MCOLN2: variants seen among roughly 807,000 people sequenced by gnomAD.
The protein encoded by MCOLN2 is mucolipin TRP cation channel 2.
A neutral mutation model predicts 67.5 loss-of-function variants in MCOLN2; 57 were observed. The observed-to-expected ratio is 0.84, with a 90% CI of 0.68 to 1.05. MCOLN2 has a LOEUF of 1.05. Among genes scored for constraint, MCOLN2 ranks in the 50% least tolerant of loss-of-function variants. The pLI is 0.00. For synonymous variants in MCOLN2, 246 were observed against 233.3 expected (o/e 1.05, Z -0.50); for missense variants, 620 against 678.8 (o/e 0.91, Z 0.96).
In MCOLN2 at chr1:84,937,720, C is replaced by T. The variant is rs112902623; in HGVS notation, c.1335+35G>A. 20 of 1,611,952 alleles carry T rather than the reference C, an allele frequency of 1.2e-5. 1 individual carries two copies. Among genetic ancestry groups the T allele is most frequent in the African/African-American group, 1.1e-4 (8 of 75,012 alleles). On this transcript the variant is annotated intron_variant, in intron 11 of 13. Transcript: ENST00000370608. ...AACCCACGTTCAAGGGTCCCACGTG[C>T]CCCATCTGCAGAAGGAAGAATGTGA...
intron 11 of MCOLN2, among the ~76,000 whole-genome samples, chr1:84,933,891 T>C (rs1647289205): frequency 6.6e-6 from 1 of 152,258 alleles, no homozygotes; most frequent in African/African-American, 2.4e-5. Flanking sequence ...ATGAGAATTA[T>C]TTTAACACAC....
chr1:84,980,349 T>C (rs1335953679), intron 1 of MCOLN2, among the ~76,000 whole-genome samples: 1 of 152,104 alleles, frequency 6.6e-6, no homozygotes, highest in African/African-American at 2.4e-5. Flanking sequence ...GAACCCAGAA[T>C]AGTCAAAGCT....
intron 12 of MCOLN2, among the ~76,000 whole-genome samples, 167 bp downstream of exon 12, chr1:84,931,195 G>A (rs1028499634): frequency 6.6e-6 from 1 of 152,040 alleles, no homozygotes; most frequent in Admixed American, 6.6e-5. Flanking sequence ...CCTGCTGTGG[G>A]TAACAGGGAC....
intron 11 of MCOLN2, among the ~76,000 whole-genome samples, chr1:84,935,402 G>A (rs1647365406): frequency 1.3e-5 from 2 of 152,106 alleles, no homozygotes; most frequent in Non-Finnish European, 2.9e-5. Flanking sequence ...GGGTATAAAG[G>A]AAAGCTAACA....
Position 84,987,176 on chromosome 1 carries a change from ATATCTATC to A in MCOLN2, c.77+9612_77+9619del, listed in dbSNP as rs79075979. 3.7e-3 allele frequency among the ~76,000 whole-genome samples: 462 copies of A among 125,786 alleles called. 2 individuals are homozygous for A. The highest frequency in any genetic ancestry group is 5.7e-3 in the Admixed American group (61 of 10,726). The allele number at this position is 125,786 out of a possible 152,430, so 82.5% of individuals were successfully genotyped here. A position where few individuals can be genotyped will look rare whatever the true frequency, so the allele number is the denominator to read the frequency against. ...TAAAGAAAAGGTGATATATATAGGC[ATATCTATC>A]TATCTATCTATCTATCTATCTATCT... is the stretch of plus-strand genomic sequence containing the variant. On this transcript the variant is annotated intron_variant, in intron 1 of 13. Coordinates refer to ENST00000370608, the MANE Select transcript of MCOLN2 (RefSeq NM_153259.4).
At chr1:84,988,210 T>A (rs113992543) in intron 1 of MCOLN2, among the ~76,000 whole-genome samples, 20 of 152,044 alleles carry the variant, frequency 1.3e-4, no homozygotes, top group Admixed American at 1.2e-3. Context: ...GATTTTTTTT[T>A]AATTTTAATT....
Position 84,956,541 on chromosome 1 carries a change from C to T in MCOLN2, c.455G>A (p.Gly152Glu). 2 of 1,610,758 alleles carry T rather than the reference C, an allele frequency of 1.2e-6. No individual in the cohort carries two copies. The highest frequency in any genetic ancestry group is 1.7e-6 in the Non-Finnish European group (2 of 1,179,036). The change falls in exon 4 of 14, where the codon GGA becomes GAA. Residue 152 changes from glycine (G) to glutamate (E), a missense_variant. Physicochemically the swap from Gly to Glu is moderately conservative, Grantham distance 98. Transcript: ENST00000370608. ...KDITLGTLGY[G>E]ENEDNRIGLK... ...GCCAATTCTATTGTCTTCATTTTCTCCATAACCAAGGGTCCCCAGGGTAAT... is the reference window on the plus strand; with the variant it reads ...GCCAATTCTATTGTCTTCATTTTCTTCATAACCAAGGGTCCCCAGGGTAAT...
At chr1:84,944,960 A>G (rs1648009309) in intron 7 of MCOLN2, among the ~76,000 whole-genome samples, 1 of 152,204 alleles carries the variant, frequency 6.6e-6, no homozygotes, top group Admixed American at 6.5e-5. Context: ...ATGGTTTCCA[A>G]ACATAAGTTT....
At chr1:84,996,619 A>T (rs2102900420) in intron 1 of MCOLN2, among the ~76,000 whole-genome samples, 177 bp downstream of exon 1, 1 of 152,006 alleles carries the variant, frequency 6.6e-6, no homozygotes, top group African/African-American at 2.4e-5. Flanking sequence ...CTCCCACCTG[A>T]GGGAAAGGCC....
chr1:84,927,760 T>C (rs557557616), intron 13 of MCOLN2, among the ~76,000 whole-genome samples: 8 of 152,318 alleles, frequency 5.3e-5, no homozygotes, highest in Admixed American at 5.2e-4. Flanking sequence ...CCTTCCTCAA[T>C]TTTAGTCCAT....
intron 1 of MCOLN2, among the ~76,000 whole-genome samples, chr1:84,970,748 C>A (rs1020762366): frequency 6.6e-6 from 1 of 152,090 alleles, no homozygotes; most frequent in African/African-American, 2.4e-5. Flanking sequence ...CATTTTCCTG[C>A]CTTCCAGGAG....
rs762954302 is a variant in MCOLN2 at position 84,940,935 on chromosome 1, A to G, written c.904T>C (p.Leu302=). The change falls in exon 8 of 14, where the codon TTG becomes CTG. Residue 302 remains leucine, a synonymous_variant. Coordinates refer to ENST00000370608, the MANE Select transcript of MCOLN2 (RefSeq NM_153259.4). Reference sequence around the variant, plus strand: ...CTTGTACACAGAATAAGAGATGCCAAGCAAATCACAATGACAAATGCATCA... The same window carrying G: ...CTTGTACACAGAATAAGAGATGCCAGGCAAATCACAATGACAAATGCATCA... ...VFDAFVIVIC[L]ASLILCTRSI... is the part of the protein sequence containing the mutation. 2 of 1,613,922 alleles carry G rather than the reference A, an allele frequency of 1.2e-6. No individual in the cohort carries two copies. Among genetic ancestry groups the G allele is most frequent in the Non-Finnish European group, 1.7e-6 (2 of 1,179,870 alleles).
chr1:84,983,568 T>C (rs6576736), intron 1 of MCOLN2, among the ~76,000 whole-genome samples: 66,298 of 151,374 alleles, frequency 0.44, 15,216 homozygotes, highest in East Asian at 0.63. Flanking sequence ...CTGCGCCTGG[T>C]CTGTACATAA....
chr1:84,974,160 C>T (rs1307074244), intron 1 of MCOLN2, among the ~76,000 whole-genome samples: 2 of 152,194 alleles, frequency 1.3e-5, no homozygotes, highest in African/African-American at 4.8e-5. Context: ...CCACAAACTT[C>T]ACCACTGCAG....
chr1:84,976,933 GA>G (rs942072341), intron 1 of MCOLN2, among the ~76,000 whole-genome samples: 1 of 151,960 alleles, frequency 6.6e-6, no homozygotes, highest in African/African-American at 2.4e-5. Context: ...AAAGTACACA[GA>G]AAAACAAAAA....
chr1:84,929,551 TACTG>T lies in MCOLN2; in HGVS notation c.1664+3_1664+6del. 1 of 1,611,756 alleles carries T rather than the reference TACTG, an allele frequency of 6.2e-7. No homozygotes were observed. The highest frequency in any genetic ancestry group is 1.3e-5 in the African/African-American group (1 of 75,006). On this transcript the variant is annotated splice_donor_5th_base_variant and intron_variant, in intron 13 of 13. Coordinates refer to ENST00000370608, the MANE Select transcript of MCOLN2 (RefSeq NM_153259.4). ...TCAGGAGCATGGAGAATAAACATGA[TACTG>T]ACCTCCTCCGACAGCAGATGCAGGA...
intron 6 of MCOLN2, among the ~76,000 whole-genome samples, chr1:84,950,413 C>T (rs1185228576): frequency 6.6e-6 from 1 of 152,172 alleles, no homozygotes; most frequent in Non-Finnish European, 1.5e-5. Flanking sequence ...AATTTAAAAG[C>T]ATTTCCTTCA....
At chr1:84,947,779 G>A (rs1434894988) in intron 6 of MCOLN2, among the ~76,000 whole-genome samples, 3 of 151,400 alleles carry the variant, frequency 2.0e-5, no homozygotes, top group Admixed American at 6.5e-5. Context: ...TTCTGCCCTG[G>A]GGGCCAGTAC....
chr1:84,963,710 G>A (rs989370470), intron 2 of MCOLN2, among the ~76,000 whole-genome samples: 8 of 152,098 alleles, frequency 5.3e-5, no homozygotes, highest in African/African-American at 9.7e-5. Context: ...TCTGCCATAC[G>A]AAGATGTGCC....
Sources: allele counts gnomAD v4.1 joint callset (sites outside exome capture counted in the v4.1 genomes callset), GRCh38; gene constraint gnomAD v4.1.1; transcripts MANE v1.5; gene names NCBI Gene and HGNC (gene_info 2026-07-23, HGNC 2026-07-21).